The following KCND2 variants were observed in gnomAD, a reference collection of about 807,000 sequenced individuals.
The protein encoded by KCND2 is A-type voltage-gated potassium channel KCND2.
Under a neutral mutation model 54.4 loss-of-function variants are expected in KCND2, and 16 were observed. The ratio of observed to expected loss-of-function variants is 0.29; its 90% confidence interval spans 0.20 to 0.45. KCND2 has a LOEUF of 0.45. KCND2 is among the 20% of genes least tolerant of loss of function. The pLI, the probability that KCND2 is intolerant of heterozygous loss-of-function variation, is 1.00. For missense variants in KCND2, 486 were observed against 824.2 expected (o/e 0.59, Z 5.02); for synonymous variants, 317 against 310.7 (o/e 1.02, Z -0.21).
At chr7:120,328,053 TCA>T (rs1800005179) in intron 1 of KCND2, among the ~76,000 whole-genome samples, 1 of 152,094 alleles carries the variant, frequency 6.6e-6, no homozygotes, top group Admixed American at 6.6e-5. Context: ...TTAATTTCTC[TCA>T]GTTACTTCCT....
intron 1 of KCND2, among the ~76,000 whole-genome samples, chr7:120,454,589 A>G (rs946267048): frequency 1.3e-5 from 2 of 152,192 alleles, no homozygotes; most frequent in African/African-American, 4.8e-5. Context: ...AAAAATTCGG[A>G]CCAGATGGAT....
chr7:120,499,836 T>C (rs1044334365), intron 1 of KCND2, among the ~76,000 whole-genome samples: 1 of 152,186 alleles, frequency 6.6e-6, no homozygotes, highest in Non-Finnish European at 1.5e-5. Flanking sequence ...AAATGTTTTT[T>C]TGTTATAGTA....
intron 1 of KCND2, among the ~76,000 whole-genome samples, chr7:120,563,036 G>A (rs1792254473): frequency 6.6e-6 from 1 of 152,114 alleles, no homozygotes. Flanking sequence ...GAAATGTCAT[G>A]CAATATGGAA....
At chr7:120,519,558 G>A (rs575703161) in intron 1 of KCND2, among the ~76,000 whole-genome samples, 5 of 152,182 alleles carry the variant, frequency 3.3e-5, no homozygotes, top group Admixed American at 3.3e-4. Flanking sequence ...AGCTTTATGA[G>A]AACAGGAGCA....
chr7:120,343,592 A>T (rs914135589), intron 1 of KCND2, among the ~76,000 whole-genome samples: 2 of 152,198 alleles, frequency 1.3e-5, no homozygotes, highest in Non-Finnish European at 2.9e-5. Context: ...TAGCAAAGGT[A>T]AGTGGGACCA....
At chr7:120,656,113 T>C (rs1791800578) in intron 1 of KCND2, among the ~76,000 whole-genome samples, 1 of 152,178 alleles carries the variant, frequency 6.6e-6, no homozygotes, top group Non-Finnish European at 1.5e-5. Context: ...ATCAACTCTT[T>C]ATTGACATAT....
intron 1 of KCND2, among the ~76,000 whole-genome samples, chr7:120,361,377 T>TTCTCTCTCTCTCTC: frequency 1.3e-5 from 2 of 152,038 alleles, no homozygotes; most frequent in African/African-American, 4.8e-5. Context: ...ATGGGACAAG[T>TTCTCTCTCTCTCTC]TCTCTCTCGC....
intron 1 of KCND2, among the ~76,000 whole-genome samples, chr7:120,537,516 A>T (rs1024017565): frequency 6.6e-6 from 1 of 152,220 alleles, no homozygotes; most frequent in Admixed American, 6.5e-5. Context: ...TTGCTGCTAG[A>T]CATTGACTTC....
At chr7:120,656,377 G>A (rs1169574101) in intron 1 of KCND2, among the ~76,000 whole-genome samples, 4 of 152,030 alleles carry the variant, frequency 2.6e-5, no homozygotes, top group African/African-American at 9.7e-5. Context: ...ACTGTGGACT[G>A]GACTTGACTC....
chr7:120,306,053 A>G (rs1360421700), intron 1 of KCND2, among the ~76,000 whole-genome samples: 1 of 152,142 alleles, frequency 6.6e-6, no homozygotes, highest in East Asian at 1.9e-4. Context: ...AATGGCTAGC[A>G]TAGAGTGGAC....
chr7:120,524,229 C>T (rs1397511812), intron 1 of KCND2, among the ~76,000 whole-genome samples: 2 of 149,198 alleles, frequency 1.3e-5, no homozygotes, highest in East Asian at 3.9e-4. Context: ...AGCAAGACTC[C>T]GTCAAAAAAA....
intron 1 of KCND2, among the ~76,000 whole-genome samples, chr7:120,721,931 G>A (rs570392874): frequency 3.3e-5 from 5 of 152,224 alleles, no homozygotes; most frequent in African/African-American, 1.2e-4. Context: ...TAAGTCTCAA[G>A]AGAGCTGATG....
At chr7:120,740,045 C>A (rs145808088) in intron 2 of KCND2, among the ~76,000 whole-genome samples, 1 of 151,876 alleles carries the variant, frequency 6.6e-6, no homozygotes, top group Admixed American at 6.6e-5. Context: ...TATGCATATA[C>A]GGAAAGAGTT....
chr7:120,571,593 T>C (rs895885588), intron 1 of KCND2, among the ~76,000 whole-genome samples: 1 of 152,230 alleles, frequency 6.6e-6, no homozygotes, highest in African/African-American at 2.4e-5. Context: ...ATTTTTATTT[T>C]ACATAAAGCA....
chr7:120,353,261 G>A (rs371671070), intron 1 of KCND2, among the ~76,000 whole-genome samples: 32 of 149,110 alleles, frequency 2.1e-4, no homozygotes, highest in Non-Finnish European at 4.3e-4. Context: ...CAGAGCCTTC[G>A]TCTCTGAATA....
At chr7:120,636,079 C>G (rs1343277106) in intron 1 of KCND2, among the ~76,000 whole-genome samples, 2 of 152,120 alleles carry the variant, frequency 1.3e-5, no homozygotes, top group Admixed American at 1.3e-4. Context: ...CCTGTACCTC[C>G]CTCTGATTCC....
At chr7:120,319,700 A>G (rs1370069239) in intron 1 of KCND2, among the ~76,000 whole-genome samples, 1 of 152,148 alleles carries the variant, frequency 6.6e-6, no homozygotes, top group Non-Finnish European at 1.5e-5. Context: ...TGTTAAGATA[A>G]TTAGATAGCC....
At chr7:120,582,593 C>A (rs1792531035) in intron 1 of KCND2, among the ~76,000 whole-genome samples, 1 of 152,156 alleles carries the variant, frequency 6.6e-6, no homozygotes, top group South Asian at 2.1e-4. Context: ...AGTACTCTGA[C>A]TACCCCTCCT....
intron 1 of KCND2, among the ~76,000 whole-genome samples, chr7:120,386,011 T>A (rs1039957559): frequency 1.3e-5 from 2 of 152,166 alleles, no homozygotes; most frequent in Admixed American, 6.6e-5. Context: ...GCTTGACACT[T>A]TTTTGTATTG....
Sources: gnomAD v4.1 joint callset for allele counts (sites outside exome capture counted in the v4.1 genomes callset) on GRCh38, gnomAD v4.1.1 for gene constraint, MANE v1.5 for transcripts, NCBI Gene and HGNC (gene_info 2026-07-23, HGNC 2026-07-21) for gene names.